The following EZH2 variants were observed in gnomAD, a reference collection of about 807,000 sequenced individuals.
EZH2 encodes enhancer of zeste 2 polycomb repressive complex 2 subunit.
In EZH2, 18 loss-of-function variants were observed where a neutral mutation model predicts 98.4. That is an observed-to-expected ratio of 0.18 (90% CI 0.13 to 0.27). The LOEUF (loss-of-function observed/expected upper bound fraction) is 0.27, where lower values mean the gene tolerates loss of function less well. Ranked by LOEUF, EZH2 falls within the 10% of genes least tolerant of loss-of-function variation. The pLI is 1.00. For synonymous variants in EZH2, 338 were observed against 312.3 expected, an observed-to-expected ratio of 1.08 and a Z score of -0.87; for missense variants, 470 against 935.1, an observed-to-expected ratio of 0.50 and a Z score of 6.49.
chr7:148,869,450 A>G lies in EZH2; in HGVS notation c.-8+14714T>C, dbSNP rs146483972. ...AGTCTCTACCTTCTGGGCTCAAGCG[A>G]CCCTCTCACCTCACTCTCCCATGCA... On this transcript the variant is annotated intron_variant, in intron 1 of 19. Coordinates refer to ENST00000320356, the MANE Select transcript of EZH2 (RefSeq NM_004456.5). Among the ~76,000 whole-genome samples the G allele has an allele frequency of 4.8e-4, 69 of 143,300 alleles. 1 individual carries two copies. Among genetic ancestry groups the G allele is most frequent in the African/African-American group, 1.7e-3 (65 of 38,312 alleles). The allele number at this position is 143,300 out of a possible 152,430, so 94.0% of individuals were successfully genotyped here.
chr7:148,880,896 A>C (rs778572051), intron 1 of EZH2, among the ~76,000 whole-genome samples: 1 of 152,256 alleles, frequency 6.6e-6, no homozygotes, highest in Non-Finnish European at 1.5e-5. Flanking sequence ...AGAGGGATGC[A>C]TAAACAAGTG....
chr7:148,873,188 G>A (rs2373415), intron 1 of EZH2, among the ~76,000 whole-genome samples: 26,846 of 150,668 alleles, frequency 0.18, 2,577 homozygotes, highest in East Asian at 0.26. Flanking sequence ...GTACAAAAAA[G>A]AAAAGAAAAA....
chr7:148,840,152 A>T (rs1812064856), intron 3 of EZH2, among the ~76,000 whole-genome samples: 2 of 152,244 alleles, frequency 1.3e-5, no homozygotes, highest in Non-Finnish European at 2.9e-5. Flanking sequence ...CTAAATTTTT[A>T]AACATGCATA....
chr7:148,839,053 T>TAAGGAAGGAAGAAAGG (rs1811651108), intron 3 of EZH2, among the ~76,000 whole-genome samples: 1 of 107,744 alleles, frequency 9.3e-6, no homozygotes, highest in South Asian at 3.9e-4. Context: ...CTCTGTCAAA[T>TAAGGAAGGAAGAAAGG]AAGGAAGGAA....
intron 12 of EZH2, 123 bp from the exon 13 acceptor site, chr7:148,815,669 C>A: frequency 3.6e-6 from 3 of 834,916 alleles, no homozygotes; most frequent in Non-Finnish European, 6.0e-6. Context: ...AAGAGTCATG[C>A]CCTGCCCAGT....
In EZH2 at chr7:148,807,637, T is replaced by TA. The variant is rs1801816186; in HGVS notation, c.*8dup. On this transcript the variant is annotated 3_prime_UTR_variant, in exon 20 of 20. Transcript: ENST00000320356. ...CTGTTTCAGAGGAGGGGGGAGGAGG[T>TA]AGCAGATGTCAAGGGATTTCCATTT... The TA allele has an allele frequency of 3.1e-6, 5 of 1,589,318 alleles. No homozygotes were observed. The African/African-American group carries it at 6.7e-5, about 21-fold the overall frequency.
intron 16 of EZH2, 44 bp from the exon 17 acceptor site, chr7:148,810,458 A>T (rs747262343): frequency 2.2e-6 from 3 of 1,380,302 alleles, no homozygotes; most frequent in Admixed American, 1.7e-5. Context: ...GATAAAGGTG[A>T]TCAAGCCTGA....
intron 3 of EZH2, among the ~76,000 whole-genome samples, chr7:148,842,219 A>C (rs997689960): frequency 1.3e-5 from 2 of 152,210 alleles, no homozygotes; most frequent in Admixed American, 6.5e-5. Context: ...GACAGGCACT[A>C]TCTAAGCAAA....
intron 2 of EZH2, among the ~76,000 whole-genome samples, 199 bp downstream of exon 2, chr7:148,846,983 A>G (rs1053066215): frequency 4.6e-5 from 7 of 152,048 alleles, no homozygotes; most frequent in South Asian, 2.1e-4. Flanking sequence ...TGCAAATAAA[A>G]GTATACTAAA....
chr7:148,870,707 A>G (rs1358167256), intron 1 of EZH2, among the ~76,000 whole-genome samples: 2 of 151,858 alleles, frequency 1.3e-5, no homozygotes, highest in African/African-American at 4.8e-5. Flanking sequence ...AAAAAAAAAA[A>G]AAAAGTATAA....
chr7:148,855,111 C>T (rs73158274), intron 1 of EZH2, among the ~76,000 whole-genome samples: 21,957 of 152,262 alleles, frequency 0.14, 1,692 homozygotes, highest in East Asian at 0.25. Context: ...TCAAAACAGA[C>T]AAGATCAGAG....
chr7:148,862,118 CCAT>C (rs1817761615), intron 1 of EZH2, among the ~76,000 whole-genome samples: 1 of 152,164 alleles, frequency 6.6e-6, no homozygotes, highest in Non-Finnish European at 1.5e-5. Context: ...AAAATAACCA[CCAT>C]ACTTCAGTTA....
chr7:148,810,490 G>C, intron 16 of EZH2, 76 bp from the exon 17 acceptor site: 1 of 955,630 alleles, frequency 1.0e-6, no homozygotes, highest in Non-Finnish European at 1.7e-6. Flanking sequence ...AAAGCGCACA[G>C]AGTGAATACT....
chr7:148,883,186 T>C (rs2129496520), intron 1 of EZH2: 1 of 152,334 alleles, frequency 6.6e-6, no homozygotes, highest in South Asian at 2.1e-4. Flanking sequence ...CTTTAGAAAG[T>C]GGCAACTCAC....
At chr7:148,873,834 G>T (rs1819807627) in intron 1 of EZH2, among the ~76,000 whole-genome samples, 2 of 138,208 alleles carry the variant, frequency 1.4e-5, no homozygotes. Context: ...TTAATAAAAA[G>T]GAGCTTAAAA....
In EZH2 at chr7:148,816,731, G is replaced by A. The variant is rs376661392; in HGVS notation, c.1458C>T (p.Pro486=). ...VKESSIIAPA[P]AEDVDTPPRK... ...TTGGAGGAGTATCCACATCCTCAGC[G>A]GGAGCTGGAGCTATGATGCTAGATT... is the stretch of plus-strand genomic sequence containing the variant. Residue 486 remains proline (P), a synonymous_variant, in exon 12 of 20, where the codon CCC becomes CCT. Coordinates refer to ENST00000320356, the MANE Select transcript of EZH2 (RefSeq NM_004456.5). 3.1e-4 allele frequency: 507 copies of A among 1,613,988 alleles called. No homozygotes were observed. Among genetic ancestry groups the A allele is most frequent in the Non-Finnish European group, 4.2e-4 (491 of 1,179,984 alleles).
intron 8 of EZH2, among the ~76,000 whole-genome samples, chr7:148,822,829 C>G (rs1012854897): frequency 1.3e-5 from 2 of 151,984 alleles, no homozygotes; most frequent in Admixed American, 6.6e-5. Flanking sequence ...GTAATCCCAG[C>G]TACTCAGAAG....
chr7:148,851,924 C>T (rs1044147556), intron 1 of EZH2, among the ~76,000 whole-genome samples: 1 of 152,092 alleles, frequency 6.6e-6, no homozygotes, highest in African/African-American at 2.4e-5. Context: ...TTGGCAGAAG[C>T]CTTTATTTAA....
At chr7:148,817,826 C>A in intron 10 of EZH2, 51 bp downstream of exon 10, 2 of 1,613,004 alleles carry the variant, frequency 1.2e-6, no homozygotes, top group East Asian at 2.2e-5. Flanking sequence ...TTAATCCTCA[C>A]AACACGAACT....
Sources: allele counts gnomAD v4.1 joint callset (sites outside exome capture counted in the v4.1 genomes callset), GRCh38; gene constraint gnomAD v4.1.1; transcripts MANE v1.5; gene names NCBI Gene and HGNC (gene_info 2026-07-23, HGNC 2026-07-21).